The following CCDC144A variants were observed in gnomAD, a reference collection of about 807,000 sequenced individuals.
CCDC144A encodes coiled-coil domain containing 144A.
CCDC144A carries 41 observed loss-of-function variants against 143.8 expected under a neutral mutation model. The observed-to-expected ratio is 0.29, with a 90% CI of 0.22 to 0.37. The LOEUF (loss-of-function observed/expected upper bound fraction) is 0.37. Ranked by LOEUF, CCDC144A falls within the 10% of genes least tolerant of loss-of-function variation. CCDC144A has a pLI of 1.00. For synonymous variants in CCDC144A, 242 were observed against 517.9 expected (o/e 0.47, Z 7.23); for missense variants, 637 against 1,488.8 (o/e 0.43, Z 9.41).
chr17:16,765,803 G>C (rs1026600970), intron 15 of CCDC144A: 7 of 152,222 alleles, frequency 4.6e-5, no homozygotes, highest in Non-Finnish European at 8.8e-5. Flanking sequence ...GAGATGATCA[G>C]CGTCCAAATG....
At chr17:16,744,932 C>T (rs1237739355) in intron 12 of CCDC144A, among the ~76,000 whole-genome samples, 2 of 151,966 alleles carry the variant, frequency 1.3e-5, no homozygotes, top group Admixed American at 6.6e-5. Context: ...TATCCCTTCC[C>T]GAACAAAATT....
chr17:16,671,888 ACTT>A, the CCDC144A span, among the ~76,000 whole-genome samples: 2 of 152,120 alleles, frequency 1.3e-5, no homozygotes, highest in African/African-American at 4.8e-5. Flanking sequence ...TTTTGACTGT[ACTT>A]CTGCCCTTTA....
At chr17:16,705,729 T>A (rs569056350) in intron 3 of CCDC144A, 13 of 279,344 alleles carry the variant, frequency 4.7e-5, no homozygotes, top group Admixed American at 2.0e-4. Context: ...TCAAACACAA[T>A]GTGGTTTCTT....
intron 12 of CCDC144A, chr17:16,746,878 C>T (rs1424695361): frequency 1.2e-5 from 8 of 688,096 alleles, no homozygotes; most frequent in Non-Finnish European, 1.8e-5. Flanking sequence ...CCTTCTCTCC[C>T]TTCTCTCCCT....
chr17:16,754,096 G>A lies in CCDC144A; in HGVS notation c.3373-7329G>A, dbSNP rs1350779471. ...CCAGGAATGTATCCATTTTCCATACGTTTCCAGTTTGTTGGCATATAGTTG... is the reference window on the plus strand; with the variant it reads ...CCAGGAATGTATCCATTTTCCATACATTTCCAGTTTGTTGGCATATAGTTG... On this transcript the variant is annotated intron_variant, in intron 12 of 16. Transcript: ENST00000399273. 1.1e-4 allele frequency among the ~76,000 whole-genome samples: 17 copies of A among 152,216 alleles called. No individual in the cohort carries two copies. The South Asian group carries it at 1.4e-3, about 13-fold the overall frequency.
chr17:16,674,014 A>G, the CCDC144A span, among the ~76,000 whole-genome samples: 2 of 152,166 alleles, frequency 1.3e-5, no homozygotes, highest in Non-Finnish European at 2.9e-5. Context: ...GAAAATATCT[A>G]CATGTACTAA....
intron 1 of CCDC144A, chr17:16,692,046 G>A (rs1481795866): frequency 1.3e-5 from 2 of 151,998 alleles, no homozygotes; most frequent in African/African-American, 4.8e-5. Context: ...CAATGGAGCT[G>A]AGTAACACGT....
chr17:16,757,690 T>A (rs564944209), intron 12 of CCDC144A, among the ~76,000 whole-genome samples: 23 of 152,350 alleles, frequency 1.5e-4, no homozygotes, highest in African/African-American at 5.3e-4. Flanking sequence ...TCCGGCCTCC[T>A]AAAGGTATGT....
At chr17:16,678,751 G>GTTCTT in the CCDC144A span, among the ~76,000 whole-genome samples, 1 of 78,052 alleles carries the variant, frequency 1.3e-5, no homozygotes, top group African/African-American at 4.6e-5. Flanking sequence ...TGGCTAATTT[G>GTTCTT]TTTTTTTTTT....
intron 15 of CCDC144A, chr17:16,765,564 A>AG (rs1365015992): frequency 1.3e-5 from 2 of 148,926 alleles, no homozygotes; most frequent in Non-Finnish European, 3.0e-5. Context: ...ACAGAAAAGT[A>AG]GCGCAGGCCC....
Position 16,709,403 on chromosome 17 carries a change from A to G in CCDC144A, c.1346A>G (p.Gln449Arg). 1 of 1,611,690 alleles carries G rather than the reference A, an allele frequency of 6.2e-7. No homozygotes were observed. The highest frequency in any genetic ancestry group is 8.5e-7 in the Non-Finnish European group (1 of 1,179,638). The change falls in exon 5 of 17, where the codon CAA becomes CGA. Residue 449 changes from glutamine to arginine, a missense_variant. Physicochemically the swap from Gln to Arg is conservative, Grantham distance 43. Coordinates refer to ENST00000399273, the MANE Select transcript of CCDC144A (RefSeq NM_001382000.1). The stretch of plus-strand genomic sequence containing the variant: ...AAAGAAGACCAAGAGTTTGATTTGC[A>G]AATGACAAAAAATATGAACCAAAAT... Reference protein sequence around the residue: ...EMKEDQEFDLQMTKNMNQNSD... With the variant: ...EMKEDQEFDLRMTKNMNQNSD...
At chr17:16,743,664 AT>A (rs1914359475) in intron 12 of CCDC144A, among the ~76,000 whole-genome samples, 1 of 152,114 alleles carries the variant, frequency 6.6e-6, no homozygotes, top group African/African-American at 2.4e-5. Flanking sequence ...TATAAAGGGC[AT>A]TTTATTTTTA....
At chr17:16,747,565 A>AT (rs111480910) in intron 12 of CCDC144A, among the ~76,000 whole-genome samples, 8,196 of 151,840 alleles carry the variant, frequency 0.054, 406 homozygotes, top group African/African-American at 0.19. Flanking sequence ...ATGTTTTGCC[A>AT]TTTTTTTGGT....
chr17:16,745,889 T>C, intron 12 of CCDC144A: 1 of 1,595,606 alleles, frequency 6.3e-7, no homozygotes, highest in Non-Finnish European at 8.5e-7. Flanking sequence ...CTTGGCCAGG[T>C]CCTTTCCCCC....
the CCDC144A span, chr17:16,683,876 G>A: frequency 4.5e-5 from 61 of 1,370,470 alleles, 1 homozygote; most frequent in Non-Finnish European, 5.6e-5. Context: ...AGACTTCGTC[G>A]TCGTCTACGC....
intron 12 of CCDC144A, among the ~76,000 whole-genome samples, chr17:16,750,258 C>G (rs1251749137): frequency 6.6e-6 from 1 of 151,530 alleles, no homozygotes; most frequent in African/African-American, 2.4e-5. Flanking sequence ...TTTAGAACTC[C>G]TTAAGAATCT....
intron 8 of CCDC144A, among the ~76,000 whole-genome samples, chr17:16,725,643 G>A (rs910008194): frequency 6.6e-6 from 1 of 151,476 alleles, no homozygotes; most frequent in African/African-American, 2.4e-5. Context: ...TGGGAGGGGG[G>A]TGAGGGACAA....
intron 8 of CCDC144A, among the ~76,000 whole-genome samples, chr17:16,724,874 A>G (rs1913314481): frequency 1.6e-5 from 2 of 122,540 alleles, no homozygotes; most frequent in Non-Finnish European, 3.1e-5. Flanking sequence ...GATGGTCTCA[A>G]TCTCCTGACC....
At chr17:16,740,350 A>G (rs1268510923) in intron 12 of CCDC144A, among the ~76,000 whole-genome samples, 3 of 152,224 alleles carry the variant, frequency 2.0e-5, no homozygotes, top group Non-Finnish European at 4.4e-5. Context: ...TTGCTTAAAT[A>G]GAGATGCATA....
Sources: gnomAD v4.1 joint callset for allele counts (sites outside exome capture counted in the v4.1 genomes callset) on GRCh38, gnomAD v4.1.1 for gene constraint, MANE v1.5 for transcripts, NCBI Gene and HGNC (gene_info 2026-07-23, HGNC 2026-07-21) for gene names.